The following DDX10 variants were observed in gnomAD, a reference collection of about 807,000 sequenced individuals.
The protein encoded by DDX10 is DEAD-box helicase 10.
DDX10 carries 74 observed loss-of-function variants against 104.3 expected under a neutral mutation model. The ratio of observed to expected loss-of-function variants is 0.71; its 90% CI spans 0.59 to 0.86. The LOEUF (loss-of-function observed/expected upper bound fraction) is 0.86, where lower values mean the gene tolerates loss of function less well. DDX10 is among the 40% of genes least tolerant of loss of function. The pLI is 0.00. For missense variants in DDX10, 952 were observed against 1,040.0 expected (o/e 0.92, Z 1.16); for synonymous variants, 351 against 353.4 (o/e 0.99, Z 0.08).
chr11:108,789,411 A>G (rs987513423), intron 13 of DDX10, among the ~76,000 whole-genome samples: 3 of 152,230 alleles, frequency 2.0e-5, no homozygotes, highest in Non-Finnish European at 4.4e-5. Context: ...AGATGTGTGC[A>G]TAAGATTATT....
chr11:108,861,298 A>G (rs938206720), intron 16 of DDX10, among the ~76,000 whole-genome samples: 1 of 152,018 alleles, frequency 6.6e-6, no homozygotes, highest in Admixed American at 6.6e-5. Context: ...TTGCAAGACC[A>G]TTATTAAAGT....
chr11:108,910,987 A>T (rs1350831512), intron 16 of DDX10, among the ~76,000 whole-genome samples: 1 of 152,098 alleles, frequency 6.6e-6, no homozygotes, highest in African/African-American at 2.4e-5. Context: ...ATGTTAGGGG[A>T]TCCATAAGGT....
At chr11:108,758,455 T>C (rs762522140) in intron 13 of DDX10, among the ~76,000 whole-genome samples, 1 of 152,098 alleles carries the variant, frequency 6.6e-6, no homozygotes, top group Non-Finnish European at 1.5e-5. Flanking sequence ...CTGTGTTTGC[T>C]GTAATACATT....
At chr11:108,834,046 C>T (rs1391002890) in intron 13 of DDX10, among the ~76,000 whole-genome samples, 1 of 152,040 alleles carries the variant, frequency 6.6e-6, no homozygotes, top group Non-Finnish European at 1.5e-5. Flanking sequence ...GTCTTGACCT[C>T]CTGGGCTGAA....
intron 9 of DDX10, among the ~76,000 whole-genome samples, chr11:108,693,962 G>A (rs918186374): frequency 3.1e-4 from 47 of 152,226 alleles, no homozygotes; most frequent in African/African-American, 1.0e-3. Flanking sequence ...TGAAATCTCA[G>A]TACCAAACCC....
At chr11:108,791,861 A>C (rs897221975) in intron 13 of DDX10, among the ~76,000 whole-genome samples, 1 of 152,200 alleles carries the variant, frequency 6.6e-6, no homozygotes, top group African/African-American at 2.4e-5. Flanking sequence ...GAAACTACCA[A>C]ACTGTTTTTC....
intron 16 of DDX10, among the ~76,000 whole-genome samples, chr11:108,895,785 A>G (rs183200767): frequency 6.6e-6 from 1 of 152,186 alleles, no homozygotes; most frequent in East Asian, 1.9e-4. Context: ...TACCAACCAC[A>G]TATGAGGCTT....
Position 108,706,798 on chromosome 11 carries a change from A to C in DDX10, c.1283A>C (p.Gln428Pro). 1 of 1,614,116 alleles carries C rather than the reference A, an allele frequency of 6.2e-7. No individual in the cohort carries two copies. Among genetic ancestry groups the C allele is most frequent in the Non-Finnish European group, 8.5e-7 (1 of 1,179,946 alleles). The change falls in exon 10 of 18, where the codon CAG (glutamine) becomes CCG (proline). Residue 428 changes from glutamine to proline, a missense_variant. Gln to Pro is a moderately conservative substitution (Grantham distance 76). Coordinates refer to ENST00000322536, the MANE Select transcript of DDX10 (RefSeq NM_004398.4). ...ILLPSEKAMV[Q>P]QLLQKKVPVK... ...CTACCCTCAGAAAAAGCTATGGTGC[A>C]GCAGCTTCTTCAGAAGAAAGTACCT...
intron 13 of DDX10, among the ~76,000 whole-genome samples, chr11:108,751,281 A>G (rs2094338388): frequency 6.6e-6 from 1 of 152,104 alleles, no homozygotes. Context: ...AACATAAAAA[A>G]TTCAGGGTTT....
At chr11:108,932,302 A>G (rs1863985045) in intron 17 of DDX10, among the ~76,000 whole-genome samples, 1 of 151,886 alleles carries the variant, frequency 6.6e-6, no homozygotes, top group Non-Finnish European at 1.5e-5. Flanking sequence ...AGCTTTATAT[A>G]CTTTGCAAAA....
intron 16 of DDX10, among the ~76,000 whole-genome samples, chr11:108,888,694 G>C (rs1863334632): frequency 6.6e-6 from 1 of 152,040 alleles, no homozygotes; most frequent in African/African-American, 2.4e-5. Flanking sequence ...TACTAAGGAT[G>C]CTGCATGGAT....
intron 13 of DDX10, among the ~76,000 whole-genome samples, chr11:108,821,326 A>G (rs1429860024): frequency 6.6e-6 from 1 of 152,230 alleles, no homozygotes; most frequent in Non-Finnish European, 1.5e-5. Flanking sequence ...AGGAAGGAGA[A>G]TGATTTTTAA....
chr11:108,838,428 T>C lies in DDX10; in HGVS notation c.1966-18T>C, dbSNP rs575770344. 7 of 1,597,942 alleles carry C rather than the reference T, an allele frequency of 4.4e-6. No homozygotes were observed. In the South Asian group the frequency reaches 6.9e-5, roughly 16 times the overall value. On this transcript the variant is annotated intron_variant, in intron 13 of 17. Transcript: ENST00000322536. ...CCATTTTCCTAATCATCTGTGTTTT[T>C]TGTATGTTCTCACACAGAAGAAAGA...
At chr11:108,772,849 A>C (rs1001946954) in intron 13 of DDX10, among the ~76,000 whole-genome samples, 1 of 152,218 alleles carries the variant, frequency 6.6e-6, no homozygotes, top group African/African-American at 2.4e-5. Context: ...CTGTCAGTGG[A>C]AAAATTGTCT....
intron 3 of DDX10, among the ~76,000 whole-genome samples, chr11:108,676,694 G>A (rs901904461): frequency 3.3e-5 from 5 of 152,138 alleles, no homozygotes; most frequent in South Asian, 2.1e-4. Context: ...TGATGCACCC[G>A]CCTCCTCCTC....
chr11:108,775,046 C>T (rs2094368097), intron 13 of DDX10, among the ~76,000 whole-genome samples: 1 of 152,236 alleles, frequency 6.6e-6, no homozygotes, highest in Non-Finnish European at 1.5e-5. Context: ...CTATGAGTGA[C>T]AGAGACCACG....
rs991410480 is a variant in DDX10 at position 108,665,083 on chromosome 11, C to G, written c.-71C>G. ...TGCGCCTCTGTGCGTTTGTCCCATG[C>G]TGGTTCCGTGAGTCTGGCCTTAGGT... On this transcript the variant is annotated 5_prime_UTR_variant, in exon 1 of 18. Coordinates refer to ENST00000322536, the MANE Select transcript of DDX10 (RefSeq NM_004398.4). The G allele has an allele frequency of 2.8e-5, 41 of 1,472,170 alleles. No homozygotes were observed. The highest frequency in any genetic ancestry group is 2.6e-4 in the East Asian group (10 of 38,716). The allele number at this position is 1,472,170 out of a possible 1,614,324, so 91.2% of individuals were successfully genotyped here. A position where few individuals can be genotyped will look rare whatever the true frequency, so the allele number is the denominator to read the frequency against.
intron 13 of DDX10, among the ~76,000 whole-genome samples, chr11:108,757,683 C>T (rs751239779): frequency 6.6e-6 from 1 of 151,976 alleles, no homozygotes; most frequent in South Asian, 2.1e-4. Flanking sequence ...GTTGGTTGTC[C>T]TCTTGAAAAC....
At chr11:108,675,286 T>C (rs1416793448) in intron 2 of DDX10, among the ~76,000 whole-genome samples, 4 of 151,946 alleles carry the variant, frequency 2.6e-5, no homozygotes, top group African/African-American at 9.7e-5. Flanking sequence ...TACCCAGGAG[T>C]GGAGTAGGTG....
Sources: gnomAD v4.1 joint callset for allele counts (sites outside exome capture counted in the v4.1 genomes callset) on GRCh38, gnomAD v4.1.1 for gene constraint, MANE v1.5 for transcripts, NCBI Gene and HGNC (gene_info 2026-07-23, HGNC 2026-07-21) for gene names.